The following RARB variants were observed in gnomAD, a reference collection of about 807,000 sequenced individuals.
RARB encodes the protein HBV-activated protein.
Under a neutral mutation model 51.9 loss-of-function variants are expected in RARB, and 17 were observed. The observed-to-expected ratio is 0.33, with a 90% CI of 0.22 to 0.49. The LOEUF (loss-of-function observed/expected upper bound fraction) is 0.49. Ranked by LOEUF, RARB falls within the 20% of genes least tolerant of loss-of-function variation. RARB has a pLI of 0.99. For synonymous variants in RARB, 215 were observed against 195.4 expected, an observed-to-expected ratio of 1.10 and a Z score of -0.84; for missense variants, 369 against 550.8, an observed-to-expected ratio of 0.67 and a Z score of 3.30.
At chr3:25,003,190 A>G (rs953039524) in intron 2 of RARB, among the ~76,000 whole-genome samples, 1 of 151,000 alleles carries the variant, frequency 6.6e-6, no homozygotes, top group Non-Finnish European at 1.5e-5. Context: ...AAAAGATCAT[A>G]ATGCAAAAAA....
intron 4 of RARB, among the ~76,000 whole-genome samples, chr3:25,154,317 G>A (rs1470923656): frequency 5.3e-5 from 8 of 152,132 alleles, no homozygotes; most frequent in African/African-American, 7.2e-5. Flanking sequence ...GAAGGGTACC[G>A]TTATTTGCTT....
chr3:25,299,805 A>C (rs1703998283), intron 5 of RARB, among the ~76,000 whole-genome samples: 1 of 152,344 alleles, frequency 6.6e-6, no homozygotes, highest in South Asian at 2.1e-4. Flanking sequence ...TGCTGTAGGA[A>C]GTTAAAGACT....
chr3:25,519,312 A>G (rs2125630208), intron 3 of RARB, among the ~76,000 whole-genome samples: 1 of 140,136 alleles, frequency 7.1e-6, no homozygotes, highest in Middle Eastern at 3.4e-3. Context: ...AGTCACAGGG[A>G]CACGTGTTTA....
chr3:25,549,640 C>G (rs1364576325), intron 3 of RARB, among the ~76,000 whole-genome samples: 2 of 152,070 alleles, frequency 1.3e-5, no homozygotes, highest in Non-Finnish European at 2.9e-5. Flanking sequence ...CTGAGCACCT[C>G]ATTTTAAGAG....
chr3:24,966,583 G>A (rs1174098242), intron 2 of RARB, among the ~76,000 whole-genome samples: 1 of 150,800 alleles, frequency 6.6e-6, no homozygotes, highest in Non-Finnish European at 1.5e-5. Flanking sequence ...ACCATCATCT[G>A]TGTCTGACCT....
intron 5 of RARB, among the ~76,000 whole-genome samples, chr3:25,194,377 C>T (rs1260804427): frequency 2.0e-5 from 3 of 151,352 alleles, no homozygotes; most frequent in African/African-American, 7.3e-5. Flanking sequence ...ACTTTAGGTG[C>T]TTTTACCATA....
chr3:24,875,339 A>T (rs550552995), intron 2 of RARB, among the ~76,000 whole-genome samples: 1 of 152,134 alleles, frequency 6.6e-6, no homozygotes, highest in Non-Finnish European at 1.5e-5. Flanking sequence ...AGATGATCTG[A>T]TGTGGTCTGT....
intron 2 of RARB, among the ~76,000 whole-genome samples, chr3:24,983,151 G>A (rs1290898380): frequency 6.6e-6 from 1 of 152,102 alleles, no homozygotes; most frequent in Non-Finnish European, 1.5e-5. Flanking sequence ...GTGCTAGTGA[G>A]CATTTGTAGC....
intron 3 of RARB, among the ~76,000 whole-genome samples, chr3:25,511,234 G>A (rs559718542): frequency 5.3e-4 from 80 of 152,158 alleles, no homozygotes; most frequent in Admixed American, 1.2e-3. Flanking sequence ...CTGGGTTCAC[G>A]CCATTCTCCT....
intron 1 of RARB, among the ~76,000 whole-genome samples, chr3:24,851,339 A>C (rs765725429): frequency 7.9e-5 from 12 of 151,662 alleles, no homozygotes; most frequent in Non-Finnish European, 1.6e-4. Flanking sequence ...TAGTGGGAGA[A>C]TGGCTTGATT....
At chr3:25,050,885 G>A (rs1335368129) in intron 2 of RARB, among the ~76,000 whole-genome samples, 2 of 152,118 alleles carry the variant, frequency 1.3e-5, no homozygotes, top group Non-Finnish European at 2.9e-5. Context: ...CTTGCTTCTT[G>A]TTGACCATCC....
chr3:25,556,110 T>C (rs1296675024), intron 3 of RARB, among the ~76,000 whole-genome samples: 1 of 152,026 alleles, frequency 6.6e-6, no homozygotes, highest in Non-Finnish European at 1.5e-5. Flanking sequence ...ATGCAGAGAA[T>C]GGTGGAGATG....
intron 2 of RARB, among the ~76,000 whole-genome samples, chr3:24,978,008 T>C (rs1575101731): frequency 6.6e-6 from 1 of 152,324 alleles, no homozygotes; most frequent in South Asian, 2.1e-4. Flanking sequence ...TTGATTGAGA[T>C]AATCATGTGA....
chr3:25,121,967 C>T (rs550438262), intron 3 of RARB, among the ~76,000 whole-genome samples: 3 of 152,260 alleles, frequency 2.0e-5, no homozygotes, highest in Admixed American at 1.3e-4. Flanking sequence ...AAAAGCAGCG[C>T]TGTATTAGGG....
chr3:24,932,928 A>G (rs1427095443), intron 2 of RARB, among the ~76,000 whole-genome samples: 3 of 152,138 alleles, frequency 2.0e-5, no homozygotes, highest in Non-Finnish European at 4.4e-5. Flanking sequence ...CATATAATTT[A>G]TTTATGAATA....
intron 2 of RARB, among the ~76,000 whole-genome samples, chr3:24,999,706 G>C (rs767210227): frequency 6.6e-6 from 1 of 152,120 alleles, no homozygotes; most frequent in African/African-American, 2.4e-5. Context: ...ACTTGCTTCA[G>C]CACAAAAGAC....
intron 2 of RARB, among the ~76,000 whole-genome samples, chr3:25,007,436 G>C (rs1697295312): frequency 6.6e-6 from 1 of 151,680 alleles, no homozygotes; most frequent in African/African-American, 2.4e-5. Context: ...GATTAGCCTA[G>C]CCAACATAGT....
chr3:25,516,762 G>A (rs952392486), intron 3 of RARB, among the ~76,000 whole-genome samples: 1 of 151,792 alleles, frequency 6.6e-6, no homozygotes, highest in Non-Finnish European at 1.5e-5. Flanking sequence ...AAGTAGCTGG[G>A]ATTATAAGCA....
intron 2 of RARB, among the ~76,000 whole-genome samples, chr3:24,898,322 A>G (rs1178639793): frequency 8.1e-6 from 1 of 124,154 alleles, no homozygotes; most frequent in Non-Finnish European, 1.6e-5. Context: ...AATTATAAAT[A>G]TAATATTTAT....
Sources: gnomAD v4.1 joint callset for allele counts (sites outside exome capture counted in the v4.1 genomes callset) on GRCh38, gnomAD v4.1.1 for gene constraint, MANE v1.5 for transcripts, NCBI Gene and HGNC (gene_info 2026-07-23, HGNC 2026-07-21) for gene names.